CRYBG1: variants seen among roughly 807,000 people sequenced by gnomAD.
The protein encoded by CRYBG1 is crystallin beta-gamma domain containing 1, also known as beta/gamma crystallin domain-containing protein 1.
CRYBG1 carries 139 observed loss-of-function variants against 189.2 expected under a neutral mutation model. The ratio of observed to expected loss-of-function variants is 0.73; its 90% CI spans 0.64 to 0.85. The LOEUF is 0.85. Ranked by LOEUF, CRYBG1 falls within the 40% of genes least tolerant of loss-of-function variation. The probability of loss-of-function intolerance (pLI) is 0.00; values close to 1 mark genes in which losing one functional copy is unlikely to be tolerated. For synonymous variants in CRYBG1, 1,023 were observed against 1,017.1 expected (o/e 1.01, Z -0.11); for missense variants, 2,611 against 2,675.8 (o/e 0.98, Z 0.53).
intron 1 of CRYBG1, among the ~76,000 whole-genome samples, chr6:106,380,394 A>T: frequency 6.6e-6 from 1 of 152,190 alleles, no homozygotes; most frequent in Non-Finnish European, 1.5e-5. Context: ...GAGTAACTGA[A>T]ATCCAGCTTC....
intron 2 of CRYBG1, among the ~76,000 whole-genome samples, chr6:106,494,022 A>G (rs1263986983): frequency 6.6e-6 from 1 of 152,242 alleles, no homozygotes; most frequent in Non-Finnish European, 1.5e-5. Flanking sequence ...TTATTCAGCC[A>G]TAAAAAGAAT....
intron 1 of CRYBG1, among the ~76,000 whole-genome samples, chr6:106,450,145 GA>G (rs931238198): frequency 2.6e-5 from 4 of 151,634 alleles, no homozygotes; most frequent in African/African-American, 9.7e-5. Flanking sequence ...TTGAACCCGG[GA>G]GGTGGAGGTT....
At chr6:106,565,277 T>C (rs1297274132) in intron 21 of CRYBG1, among the ~76,000 whole-genome samples, 3 of 151,096 alleles carry the variant, frequency 2.0e-5, no homozygotes, top group Non-Finnish European at 4.4e-5. Context: ...GCCGAGATTG[T>C]GCCACTGCAC....
chr6:106,372,866 T>C (rs1770067767), intron 1 of CRYBG1, among the ~76,000 whole-genome samples: 1 of 152,208 alleles, frequency 6.6e-6, no homozygotes, highest in Non-Finnish European at 1.5e-5. Flanking sequence ...TATTTATAAC[T>C]GAGAAGACAG....
At chr6:106,433,771 AT>A in intron 1 of CRYBG1, among the ~76,000 whole-genome samples, 1 of 56,580 alleles carries the variant, frequency 1.8e-5, no homozygotes, top group East Asian at 6.3e-4. Flanking sequence ...ATATATATAT[AT>A]GTATATATAT....
chr6:106,408,856 A>G (rs547245245), intron 1 of CRYBG1, among the ~76,000 whole-genome samples: 2 of 152,338 alleles, frequency 1.3e-5, no homozygotes, highest in South Asian at 2.1e-4. Context: ...TAAACTAGGT[A>G]TTGATGGAAC....
chr6:106,389,824 C>T (rs890326014), intron 1 of CRYBG1, among the ~76,000 whole-genome samples: 2 of 151,966 alleles, frequency 1.3e-5, no homozygotes, highest in African/African-American at 4.8e-5. Flanking sequence ...GTTCAGTCGA[C>T]TCCTATAGTG....
In CRYBG1 at chr6:106,558,468, G is replaced by T; in HGVS notation, c.5716-18G>T. On this transcript the variant is annotated intron_variant, in intron 17 of 21. Coordinates refer to ENST00000633556, the MANE Select transcript of CRYBG1 (RefSeq NM_001371242.2). ...TAACAAAGATGAATAACAGAACATTGTTTTTGTTCCTCAACAGGAATTTTC... is the reference window on the plus strand; with the variant it reads ...TAACAAAGATGAATAACAGAACATTTTTTTTGTTCCTCAACAGGAATTTTC... 4 of 1,551,608 alleles carry T rather than the reference G, an allele frequency of 2.6e-6. No homozygotes were observed. Among genetic ancestry groups the T allele is most frequent in the Non-Finnish European group, 3.5e-6 (4 of 1,134,398 alleles).
At chr6:106,476,208 C>G (rs9486363) in intron 2 of CRYBG1, among the ~76,000 whole-genome samples, 2,360 of 152,210 alleles carry the variant, frequency 0.016, 61 homozygotes, top group African/African-American at 0.054. Context: ...ATGTCTTTAG[C>G]CCCAGGTAAC....
At chr6:106,499,151 TG>T (rs778946371) in intron 2 of CRYBG1, among the ~76,000 whole-genome samples, 23,140 of 79,300 alleles carry the variant, frequency 0.29, 2,002 homozygotes, top group African/African-American at 0.44. Context: ...TTTGTTTGTT[TG>T]TTTGTTTTTT....
At chr6:106,521,565 GT>G in intron 4 of CRYBG1, 112 bp downstream of exon 4, 1 of 1,223,340 alleles carries the variant, frequency 8.2e-7, no homozygotes, top group Non-Finnish European at 1.1e-6. Flanking sequence ...ATGTGCTATA[GT>G]TTTTATTCAT....
In CRYBG1 at chr6:106,563,784, G is replaced by A. The variant is rs1038774086; in HGVS notation, c.6159G>A (p.Leu2053=). ...AGCAGATAGCAGAAGACTGCTGCCT[G>A]ACGATTGTGGGCAGCCTGGTAACAT... ...IKCRIAEDCC[L]TIVGSLVTSG... Residue 2053 remains leucine (L), a synonymous_variant, in exon 21 of 22, where the codon CTG becomes CTA. Coordinates refer to ENST00000633556, the MANE Select transcript of CRYBG1 (RefSeq NM_001371242.2). 1.2e-6 allele frequency: 2 copies of A among 1,607,996 alleles called. No homozygotes were observed. The highest frequency in any genetic ancestry group is 2.7e-5 in the African/African-American group (2 of 74,846).
At chr6:106,376,097 T>A (rs1449553680) in intron 1 of CRYBG1, among the ~76,000 whole-genome samples, 9 of 152,220 alleles carry the variant, frequency 5.9e-5, no homozygotes, top group African/African-American at 2.2e-4. Flanking sequence ...CTGCTATAGT[T>A]ATAATAATTC....
chr6:106,489,804 A>G (rs59788088), intron 2 of CRYBG1, among the ~76,000 whole-genome samples: 18,442 of 148,176 alleles, frequency 0.12, 1,279 homozygotes, highest in East Asian at 0.22. Context: ...AAAAAAAAAA[A>G]AAAGAAAGAA....
Position 106,511,942 on chromosome 6 carries a change from G to A in CRYBG1, c.825G>A (p.Pro275=), listed in dbSNP as rs1773270983. The A allele has an allele frequency of 2.0e-6, 3 of 1,526,394 alleles. No homozygotes were observed. Among genetic ancestry groups the A allele is most frequent in the East Asian group, 2.5e-5 (1 of 40,730 alleles). 94.6% of individuals were successfully genotyped at this position (1,526,394 alleles called of 1,614,324 possible). Reference sequence around the variant, plus strand: ...ACGCAGAGACGCCCGCCCGCAGTCCGGGGGAGGACGCTTCACCAGGTGCTG... The same window carrying A: ...ACGCAGAGACGCCCGCCCGCAGTCCAGGGGAGGACGCTTCACCAGGTGCTG... ...QENAETPARS[P]GEDASPGAGH... The change falls in exon 3 of 22, where the codon CCG becomes CCA. Residue 275 remains proline, a synonymous_variant. Transcript: ENST00000633556.
intron 1 of CRYBG1, among the ~76,000 whole-genome samples, chr6:106,403,654 A>G (rs903371214): frequency 2.0e-5 from 3 of 152,230 alleles, no homozygotes; most frequent in African/African-American, 7.2e-5. Flanking sequence ...TTTTATGAAC[A>G]ATGGGTAGCC....
chr6:106,483,840 C>T (rs1772531130), intron 2 of CRYBG1, among the ~76,000 whole-genome samples: 1 of 152,234 alleles, frequency 6.6e-6, no homozygotes, highest in Middle Eastern at 3.4e-3. Context: ...CTATTAAGGT[C>T]TTTTGCCCAT....
intron 2 of CRYBG1, among the ~76,000 whole-genome samples, chr6:106,453,111 G>A (rs914266003): frequency 2.0e-5 from 3 of 152,220 alleles, no homozygotes; most frequent in Non-Finnish European, 4.4e-5. Flanking sequence ...ACTACCGTTA[G>A]TGTAGTTAAT....
Position 106,520,903 on chromosome 6 carries a change from T to C in CRYBG1, c.3695T>C (p.Ile1232Thr), listed in dbSNP as rs749318058. The change falls in exon 4 of 22, where the codon ATT becomes ACT. Residue 1232 changes from isoleucine (I) to threonine (T), a missense_variant. By Grantham distance (89) the Ile-to-Thr change is moderately conservative (BLOSUM62 -1). Around this residue, in one of 3 missense-constraint regions of CRYBG1, gnomAD observed 1,622 missense variants for 1,735.0 expected, o/e 0.93. Transcript: ENST00000633556. The stretch of plus-strand genomic sequence containing the variant: ...AACAGGGACGTCACAAATGGTGGCA[T>C]TAAGAGATCGAGACTAGAAAAAAGT... ...KENRDVTNGG[I>T]KRSRLEKSAL... 5 of 1,614,076 alleles carry C rather than the reference T, an allele frequency of 3.1e-6. No homozygotes were observed. The highest frequency in any genetic ancestry group is 1.1e-5 in the South Asian group (1 of 91,090).
Sources: gnomAD v4.1 joint callset for allele counts (sites outside exome capture counted in the v4.1 genomes callset) on GRCh38, gnomAD v4.1.1 for gene constraint, gnomAD v4.1.1 regional missense constraint, MANE v1.5 for transcripts, NCBI Gene and HGNC (gene_info 2026-07-23, HGNC 2026-07-21) for gene names.